HDAC9: variants seen among roughly 807,000 people sequenced by gnomAD.
The protein encoded by HDAC9 is histone deacetylase 9.
HDAC9 carries 41 observed loss-of-function variants against 139.4 expected under a neutral mutation model. The ratio of observed to expected loss-of-function variants is 0.29; its 90% CI spans 0.23 to 0.38. The LOEUF (loss-of-function observed/expected upper bound fraction) is 0.38, where lower values mean the gene tolerates loss of function less well. Ranked by LOEUF, HDAC9 falls within the 10% of genes least tolerant of loss-of-function variation. HDAC9 has a pLI of 1.00. For synonymous variants in HDAC9, 517 were observed against 476.2 expected (o/e 1.09, Z -1.12); for missense variants, 1,147 against 1,297.0 (o/e 0.88, Z 1.78).
At chr7:18,448,987 T>C (rs1792551267) in intron 1 of HDAC9, among the ~76,000 whole-genome samples, 1 of 152,126 alleles carries the variant, frequency 6.6e-6, no homozygotes, top group Non-Finnish European at 1.5e-5. Context: ...TAATAGGCCC[T>C]AGAGTATTTT....
intron 12 of HDAC9, among the ~76,000 whole-genome samples, chr7:18,706,658 A>AT (rs1783947388): frequency 6.6e-6 from 1 of 152,174 alleles, no homozygotes; most frequent in Non-Finnish European, 1.5e-5. Flanking sequence ...GTCTAGAGAC[A>AT]TTTTTAATTA....
chr7:18,416,873 A>C (rs1789118139), intron 1 of HDAC9, among the ~76,000 whole-genome samples: 1 of 151,894 alleles, frequency 6.6e-6, no homozygotes, highest in African/African-American at 2.4e-5. Flanking sequence ...TTTTTCTTTT[A>C]CTGTAAATTT....
chr7:18,672,748 C>G (rs561230123), intron 12 of HDAC9, among the ~76,000 whole-genome samples: 1 of 151,908 alleles, frequency 6.6e-6, no homozygotes, highest in African/African-American at 2.4e-5. Flanking sequence ...TTTAAATATT[C>G]TTCTATGCAT....
intron 8 of HDAC9, among the ~76,000 whole-genome samples, chr7:18,640,331 C>T (rs1293038953): frequency 7.8e-6 from 1 of 128,356 alleles, no homozygotes; most frequent in African/African-American, 3.0e-5. Flanking sequence ...GCACTGCAGC[C>T]TGGGCGACAG....
intron 24 of HDAC9, among the ~76,000 whole-genome samples, chr7:18,971,465 A>T (rs2129334981): frequency 6.6e-6 from 1 of 152,350 alleles, no homozygotes; most frequent in South Asian, 2.1e-4. Context: ...GTATGTGATA[A>T]TGGTGATATT....
At chr7:18,836,692 T>C (rs1796261449) in intron 21 of HDAC9, among the ~76,000 whole-genome samples, 1 of 152,166 alleles carries the variant, frequency 6.6e-6, no homozygotes, top group Non-Finnish European at 1.5e-5. Flanking sequence ...ATTTTAAAAA[T>C]GAGCATTTCT....
At chr7:18,354,801 A>C (rs551337955) in intron 1 of HDAC9, among the ~76,000 whole-genome samples, 8 of 152,272 alleles carry the variant, frequency 5.3e-5, no homozygotes, top group Admixed American at 5.2e-4. Context: ...AATGCCCTTC[A>C]GAAGGATCTA....
intron 8 of HDAC9, among the ~76,000 whole-genome samples, chr7:18,641,209 T>A (rs1317686466): frequency 6.6e-6 from 1 of 152,100 alleles, no homozygotes; most frequent in Non-Finnish European, 1.5e-5. Flanking sequence ...TTGTATTCAT[T>A]TGAATTACAA....
intron 24 of HDAC9, among the ~76,000 whole-genome samples, chr7:18,963,673 C>G (rs1469952640): frequency 6.6e-6 from 1 of 151,998 alleles, no homozygotes; most frequent in African/African-American, 2.4e-5. Flanking sequence ...TTTCTAAAGA[C>G]ATAAACTCCT....
At chr7:18,390,982 G>A (rs146929361) in intron 1 of HDAC9, among the ~76,000 whole-genome samples, 3 of 152,140 alleles carry the variant, frequency 2.0e-5, no homozygotes, top group Non-Finnish European at 4.4e-5. Context: ...CCAGCTACTA[G>A]GGAGACTGAG....
intron 2 of HDAC9, among the ~76,000 whole-genome samples, chr7:18,526,005 A>G (rs969881982): frequency 2.6e-5 from 4 of 152,090 alleles, no homozygotes; most frequent in African/African-American, 7.2e-5. Context: ...TTTGCCTGCT[A>G]CTCAACATTT....
At chr7:18,607,282 G>T (rs1835785965) in intron 6 of HDAC9, among the ~76,000 whole-genome samples, 1 of 152,150 alleles carries the variant, frequency 6.6e-6, no homozygotes. Context: ...CAAATATTTT[G>T]CTTGCAGAAA....
Position 18,755,939 on chromosome 7 carries a change from G to A in HDAC9, c.2044-6218G>A, listed in dbSNP as rs145761718. Among the ~76,000 whole-genome samples, 343 of 152,140 alleles carry A rather than the reference G, an allele frequency of 2.3e-3. 4 individuals are homozygous for A. Among genetic ancestry groups the A allele is most frequent in the Middle Eastern group, 0.01 (3 of 294 alleles). ...CGTCCACCAATATTTTAACCATTCC[G>A]TAGTCCCAAGTGTTGGTCAGTACAG... On this transcript the variant is annotated intron_variant, in intron 14 of 25. Transcript: ENST00000686413.
intron 2 of HDAC9, among the ~76,000 whole-genome samples, chr7:18,261,644 A>T (rs1322404053): frequency 3.9e-5 from 6 of 152,252 alleles, no homozygotes; most frequent in Non-Finnish European, 8.8e-5. Context: ...TTTGAGGCTT[A>T]TGCAGAAAAC....
chr7:18,732,450 G>T (rs1156288119), intron 13 of HDAC9, among the ~76,000 whole-genome samples: 1 of 121,004 alleles, frequency 8.3e-6, no homozygotes, highest in Non-Finnish European at 1.7e-5. Context: ...CTGAAAGTAT[G>T]TGTGTATATT....
chr7:18,786,600 T>C (rs554020512), intron 16 of HDAC9, among the ~76,000 whole-genome samples: 1 of 84,696 alleles, frequency 1.2e-5, no homozygotes, highest in Non-Finnish European at 2.7e-5. Flanking sequence ...CTTCCTTCCT[T>C]CCTTCCTTCC....
chr7:18,907,562 A>G (rs575235897), intron 22 of HDAC9, among the ~76,000 whole-genome samples: 1 of 152,354 alleles, frequency 6.6e-6, no homozygotes, highest in Non-Finnish European at 1.5e-5. Flanking sequence ...AAATTTGCCA[A>G]AAGGTCAAAG....
intron 1 of HDAC9, among the ~76,000 whole-genome samples, chr7:18,374,173 C>A (rs867505632): frequency 1.4e-5 from 2 of 147,012 alleles, no homozygotes; most frequent in African/African-American, 5.1e-5. Flanking sequence ...GTAGTACATG[C>A]ATAAATCTAG....
At chr7:18,318,190 C>A (rs919368234) in intron 1 of HDAC9, among the ~76,000 whole-genome samples, 1 of 152,166 alleles carries the variant, frequency 6.6e-6, no homozygotes, top group Non-Finnish European at 1.5e-5. Context: ...GCCAGCATCT[C>A]TTGGATCAGA....
Sources: allele counts gnomAD v4.1 joint callset (sites outside exome capture counted in the v4.1 genomes callset), GRCh38; gene constraint gnomAD v4.1.1; transcripts MANE v1.5; gene names NCBI Gene and HGNC (gene_info 2026-07-23, HGNC 2026-07-21).